Variants in ADAMTSL1 observed in about 807,000 individuals in gnomAD.
ADAMTSL1 encodes the protein ADAMTS-like protein 1.
Under a neutral mutation model 201.8 loss-of-function variants are expected in ADAMTSL1, and 126 were observed. That is an observed-to-expected ratio of 0.62 (90% CI 0.54 to 0.72). ADAMTSL1 has a LOEUF of 0.72. Ranked by LOEUF, ADAMTSL1 falls within the 30% of genes least tolerant of loss-of-function variation. The probability of loss-of-function intolerance (pLI) is 0.00; values close to 1 mark genes in which losing one functional copy is unlikely to be tolerated. For synonymous variants in ADAMTSL1, 1,121 were observed against 903.4 expected (o/e 1.24, Z -4.32); for missense variants, 2,679 against 2,277.8 (o/e 1.18, Z -3.59).
chr9:18,282,398 A>G (rs1169981402), intron 2 of ADAMTSL1, among the ~76,000 whole-genome samples: 2 of 152,206 alleles, frequency 1.3e-5, no homozygotes, highest in African/African-American at 4.8e-5. Flanking sequence ...TATCTTCTTT[A>G]TATCATGATT....
At chr9:18,675,129 C>T (rs989244631) in intron 9 of ADAMTSL1, among the ~76,000 whole-genome samples, 3 of 152,152 alleles carry the variant, frequency 2.0e-5, no homozygotes, top group African/African-American at 7.2e-5. Context: ...ACTAACAAGC[C>T]ATGACAATCA....
rs559634443 is a variant in ADAMTSL1 at position 18,300,890 on chromosome 9, T to A, written c.207+136909T>A. 2.0e-4 allele frequency among the ~76,000 whole-genome samples: 31 copies of A among 152,256 alleles called. No homozygotes were observed. The South Asian group carries it at 6.2e-3, about 31-fold the overall frequency. ...TATATTATTTGATAGTTTTTAGCCA[T>A]GTAGAAAATTATATTGAGACTATAT... is the stretch of plus-strand genomic sequence containing the variant. On this transcript the variant is annotated intron_variant, in intron 2 of 29. Coordinates refer to the ADAMTSL1 transcript ENST00000680146.
At chr9:18,286,063 A>G (rs998094522) in intron 2 of ADAMTSL1, among the ~76,000 whole-genome samples, 2 of 151,998 alleles carry the variant, frequency 1.3e-5, no homozygotes, top group Non-Finnish European at 2.9e-5. Flanking sequence ...GTGGATTTAC[A>G]CCTGTATTTG....
chr9:17,966,692 G>A (rs1018090874), intron 1 of ADAMTSL1, among the ~76,000 whole-genome samples: 1 of 152,038 alleles, frequency 6.6e-6, no homozygotes, highest in African/African-American at 2.4e-5. Context: ...AATAAAGGCC[G>A]ATTGGCCTTA....
intron 2 of ADAMTSL1, among the ~76,000 whole-genome samples, chr9:18,374,283 A>T (rs1261457528): frequency 6.6e-6 from 1 of 152,068 alleles, no homozygotes; most frequent in Non-Finnish European, 1.5e-5. Context: ...CCAATAGGGG[A>T]CTATGCATTG....
chr9:18,561,291 C>A (rs988219992), intron 3 of ADAMTSL1, among the ~76,000 whole-genome samples: 8 of 152,020 alleles, frequency 5.3e-5, no homozygotes, highest in Non-Finnish European at 8.8e-5. Context: ...CATTATTTAC[C>A]CAGTAGTCAT....
At chr9:18,483,724 T>G (rs1379686750) in intron 1 of ADAMTSL1, among the ~76,000 whole-genome samples, 2 of 151,918 alleles carry the variant, frequency 1.3e-5, no homozygotes, top group African/African-American at 2.4e-5. Context: ...CTACTCGGGA[T>G]GCTGAGGCAG....
At chr9:17,908,710 G>A (rs1217340162) in intron 1 of ADAMTSL1, among the ~76,000 whole-genome samples, 2 of 152,158 alleles carry the variant, frequency 1.3e-5, no homozygotes, top group Non-Finnish European at 2.9e-5. Flanking sequence ...CACTCGCCTC[G>A]GCCTTCCAAA....
intron 1 of ADAMTSL1, among the ~76,000 whole-genome samples, chr9:17,991,808 G>C (rs1819162141): frequency 6.6e-6 from 1 of 152,146 alleles, no homozygotes; most frequent in Non-Finnish European, 1.5e-5. Flanking sequence ...GATTATGCTA[G>C]AAGTAGTCTA....
At chr9:18,776,749 T>C (rs1182984520) in intron 18 of ADAMTSL1, 32 bp from the exon 19 acceptor site, 2 of 1,515,408 alleles carry the variant, frequency 1.3e-6, no homozygotes, top group African/African-American at 2.8e-5. Context: ...CCCACCTCTT[T>C]CTCTGTCCCT....
At chr9:18,449,405 A>G (rs1354541381) in intron 2 of ADAMTSL1, among the ~76,000 whole-genome samples, 1 of 152,018 alleles carries the variant, frequency 6.6e-6, no homozygotes. Flanking sequence ...TGGAATGTAT[A>G]ATACTAAAGG....
rs539102577 is a variant in ADAMTSL1, at chr9:18,029,865, T to C, written c.87+122943T>C. ...CAATGAGATACCATCTCACACCAGTTAGAATGGTGATCATTAAAAAGTCAG... is the reference window on the plus strand; with the variant it reads ...CAATGAGATACCATCTCACACCAGTCAGAATGGTGATCATTAAAAAGTCAG... On this transcript the variant is annotated intron_variant, in intron 1 of 29. Transcript: ENST00000680146. Among the ~76,000 whole-genome samples, 920 of 152,194 alleles carry C rather than the reference T, an allele frequency of 6.0e-3. 6 individuals carry two copies. Among genetic ancestry groups the C allele is most frequent in the African/African-American group, 0.021 (855 of 41,520 alleles).
chr9:18,461,462 C>T (rs959297810), intron 2 of ADAMTSL1, among the ~76,000 whole-genome samples: 1 of 151,940 alleles, frequency 6.6e-6, no homozygotes, highest in African/African-American at 2.4e-5. Flanking sequence ...TATGCATTAC[C>T]TCACATACAT....
At chr9:18,305,128 A>G (rs1272161137) in intron 2 of ADAMTSL1, among the ~76,000 whole-genome samples, 1 of 152,182 alleles carries the variant, frequency 6.6e-6, no homozygotes, top group Non-Finnish European at 1.5e-5. Context: ...CTCCTAGACA[A>G]GGGAAGCCGT....
chr9:18,172,802 T>C (rs368603742), intron 2 of ADAMTSL1, among the ~76,000 whole-genome samples: 2 of 152,076 alleles, frequency 1.3e-5, no homozygotes, highest in East Asian at 3.9e-4. Context: ...TGTATTAAAA[T>C]AGATAGATTT....
At chr9:18,648,480 T>C (rs1473091727) in intron 7 of ADAMTSL1, among the ~76,000 whole-genome samples, 2 of 152,112 alleles carry the variant, frequency 1.3e-5, no homozygotes, top group African/African-American at 4.8e-5. Context: ...TTCTTCCTAG[T>C]CTTGATGGTC....
chr9:18,626,867 C>A (rs1273015786), intron 5 of ADAMTSL1, among the ~76,000 whole-genome samples: 1 of 128,088 alleles, frequency 7.8e-6, no homozygotes, highest in Non-Finnish European at 1.6e-5. Context: ...TTCTTTCTTT[C>A]TGTCTTTCTT....
intron 1 of ADAMTSL1, among the ~76,000 whole-genome samples, chr9:18,060,825 G>A (rs1822416635): frequency 6.6e-6 from 1 of 152,138 alleles, no homozygotes; most frequent in African/African-American, 2.4e-5. Context: ...TGCATATTCA[G>A]TATATATACA....
At chr9:18,422,197 A>ACC (rs1259208797) in intron 2 of ADAMTSL1, among the ~76,000 whole-genome samples, 2 of 152,270 alleles carry the variant, frequency 1.3e-5, no homozygotes, top group African/African-American at 4.8e-5. Flanking sequence ...ACACACACAC[A>ACC]CAAGCCACCT....
Sources: allele counts gnomAD v4.1 joint callset (sites outside exome capture counted in the v4.1 genomes callset), GRCh38; gene constraint gnomAD v4.1.1; transcripts MANE v1.5; gene names NCBI Gene and HGNC (gene_info 2026-07-23, HGNC 2026-07-21).